DLC1: variants seen among roughly 807,000 people sequenced by gnomAD.
The protein encoded by DLC1 is DLC1 Rho GTPase activating protein, also known as rho GTPase-activating protein 7.
A neutral mutation model predicts 140.3 loss-of-function variants in DLC1; 54 were observed. That is an observed-to-expected ratio of 0.38 (90% confidence interval 0.31 to 0.48). The LOEUF is 0.48. Ranked by LOEUF, DLC1 falls within the 20% of genes least tolerant of loss-of-function variation. DLC1 has a pLI of 0.96. For missense variants in DLC1, 2,536 were observed against 1,907.0 expected (o/e 1.33, Z -6.14); for synonymous variants, 986 against 728.1 (o/e 1.35, Z -5.70).
At chr8:13,359,654 A>C (rs1835128645) in intron 4 of DLC1, among the ~76,000 whole-genome samples, 1 of 152,252 alleles carries the variant, frequency 6.6e-6, no homozygotes, top group Admixed American at 6.5e-5. Context: ...GAATGCTTCC[A>C]GTTACTGAAG....
At chr8:13,600,805 A>T (rs961906623) in intron 1 of DLC1, among the ~76,000 whole-genome samples, 1 of 151,812 alleles carries the variant, frequency 6.6e-6, no homozygotes, top group East Asian at 1.9e-4. Flanking sequence ...TCAGAAATAT[A>T]CAAGTGTAGA....
chr8:13,353,146 C>A (rs1253377559), intron 4 of DLC1, among the ~76,000 whole-genome samples: 1 of 152,204 alleles, frequency 6.6e-6, no homozygotes, highest in East Asian at 1.9e-4. Context: ...TTCCTCTTGT[C>A]TGCAAATGAG....
intron 1 of DLC1, among the ~76,000 whole-genome samples, chr8:13,566,597 A>G (rs1458193524): frequency 1.3e-5 from 2 of 152,180 alleles, no homozygotes; most frequent in South Asian, 2.1e-4. Context: ...GATTTGTCAC[A>G]GGCCACCTAA....
intron 4 of DLC1, among the ~76,000 whole-genome samples, chr8:13,368,786 G>T (rs1012109066): frequency 6.6e-6 from 1 of 152,146 alleles, no homozygotes; most frequent in Non-Finnish European, 1.5e-5. Flanking sequence ...TGATATGGAT[G>T]TTAGTGATGT....
intron 5 of DLC1, among the ~76,000 whole-genome samples, chr8:13,135,739 C>T (rs1822522319): frequency 6.6e-6 from 1 of 151,904 alleles, no homozygotes; most frequent in African/African-American, 2.4e-5. Flanking sequence ...ATTAGGTTCC[C>T]AGGAGTCTTT....
chr8:13,456,854 C>G (rs927204060), intron 2 of DLC1, among the ~76,000 whole-genome samples: 1 of 152,184 alleles, frequency 6.6e-6, no homozygotes, highest in African/African-American at 2.4e-5. Context: ...GATTATAGTA[C>G]TCTTTCCAGG....
intron 1 of DLC1, among the ~76,000 whole-genome samples, chr8:13,570,935 C>T (rs1023260581): frequency 3.3e-5 from 5 of 152,156 alleles, no homozygotes; most frequent in Non-Finnish European, 5.9e-5. Context: ...ACTTGCTGGG[C>T]CATGGTGCAG....
chr8:13,594,040 G>C (rs1805606942), intron 1 of DLC1, among the ~76,000 whole-genome samples: 1 of 152,020 alleles, frequency 6.6e-6, no homozygotes, highest in South Asian at 2.1e-4. Flanking sequence ...CATGCCTGTG[G>C]TCCTAGCTAG....
intron 4 of DLC1, among the ~76,000 whole-genome samples, chr8:13,315,557 G>T (rs765281597): frequency 3.3e-5 from 5 of 152,164 alleles, no homozygotes; most frequent in Admixed American, 6.5e-5. Flanking sequence ...TGATGTTGGG[G>T]CCTTTCAATT....
intron 5 of DLC1, among the ~76,000 whole-genome samples, chr8:13,270,798 G>A (rs1197047999): frequency 1.3e-5 from 2 of 152,070 alleles, no homozygotes; most frequent in African/African-American, 4.8e-5. Flanking sequence ...TTATAGAGGT[G>A]TCATGCTAAC....
At chr8:13,429,692 A>G (rs1838770043) in intron 2 of DLC1, among the ~76,000 whole-genome samples, 1 of 152,180 alleles carries the variant, frequency 6.6e-6, no homozygotes, top group Non-Finnish European at 1.5e-5. Flanking sequence ...ATTGGCAGCA[A>G]CCTTGCATTT....
chr8:13,145,217 T>C (rs977199123), intron 5 of DLC1, among the ~76,000 whole-genome samples: 3 of 152,072 alleles, frequency 2.0e-5, no homozygotes, highest in Non-Finnish European at 2.9e-5. Flanking sequence ...TAATTGCTTA[T>C]ATTAGCAAAG....
At chr8:13,218,812 TC>T (rs1376738230) in intron 5 of DLC1, among the ~76,000 whole-genome samples, 1 of 51,914 alleles carries the variant, frequency 1.9e-5, no homozygotes, top group African/African-American at 1.1e-4. Context: ...ATAATTATAT[TC>T]ATAATTATAT....
intron 1 of DLC1, among the ~76,000 whole-genome samples, chr8:13,550,927 T>A (rs911326878): frequency 6.6e-6 from 1 of 151,986 alleles, no homozygotes; most frequent in African/African-American, 2.4e-5. Flanking sequence ...TAGAAATCAA[T>A]GGGTTAAATG....
chr8:13,214,140 T>G (rs1311789286), intron 5 of DLC1: 1 of 154,520 alleles, frequency 6.5e-6, no homozygotes. Context: ...CCAGGGCTTC[T>G]CTTTCTCTTC....
intron 5 of DLC1, among the ~76,000 whole-genome samples, chr8:13,190,800 G>T (rs1826707441): frequency 6.6e-6 from 1 of 152,142 alleles, no homozygotes; most frequent in South Asian, 2.1e-4. Context: ...CAGGGTTAGA[G>T]TGATGCTGAC....
chr8:13,575,039 C>A (rs1342651371), intron 1 of DLC1, among the ~76,000 whole-genome samples: 2 of 152,088 alleles, frequency 1.3e-5, no homozygotes, highest in Non-Finnish European at 1.5e-5. Flanking sequence ...TTGAGAAACA[C>A]AAAATGAAAA....
chr8:13,247,139 A>G (rs1406834220), intron 5 of DLC1, among the ~76,000 whole-genome samples: 1 of 152,208 alleles, frequency 6.6e-6, no homozygotes, highest in Non-Finnish European at 1.5e-5. Context: ...AATATTAGAG[A>G]CAAAAGGCAA....
At chr8:13,239,260 A>G (rs1377208846) in intron 5 of DLC1, among the ~76,000 whole-genome samples, 2 of 152,132 alleles carry the variant, frequency 1.3e-5, no homozygotes, top group Non-Finnish European at 2.9e-5. Context: ...TTGACTGTAT[A>G]TCACATAGTA....
Sources: allele counts gnomAD v4.1 joint callset (sites outside exome capture counted in the v4.1 genomes callset), GRCh38; gene constraint gnomAD v4.1.1; transcripts MANE v1.5; gene names NCBI Gene and HGNC (gene_info 2026-07-23, HGNC 2026-07-21).